The following PCDHGA1 variants were observed in gnomAD, a reference collection of about 807,000 sequenced individuals.
PCDHGA1 encodes the protein protocadherin gamma subfamily A, 1.
In PCDHGA1, 32 loss-of-function variants were observed where a neutral mutation model predicts 58.0. The ratio of observed to expected loss-of-function variants is 0.55; its 90% CI spans 0.42 to 0.74. PCDHGA1 has a LOEUF of 0.74. Ranked by LOEUF, PCDHGA1 falls within the 30% of genes least tolerant of loss-of-function variation. PCDHGA1 has a pLI of 0.00. For missense variants in PCDHGA1, 1,205 were observed against 1,182.3 expected (o/e 1.02, Z -0.28); for synonymous variants, 498 against 501.1 (o/e 0.99, Z 0.08).
intron 1 of PCDHGA1, among the ~76,000 whole-genome samples, chr5:141,401,057 A>G (rs1021828194): frequency 1.3e-5 from 2 of 152,170 alleles, no homozygotes; most frequent in Non-Finnish European, 2.9e-5. Flanking sequence ...AAAATACTAT[A>G]TGTTGGCTGG....
At chr5:141,454,567 C>T (rs572130062) in intron 1 of PCDHGA1, among the ~76,000 whole-genome samples, 10 of 150,966 alleles carry the variant, frequency 6.6e-5, no homozygotes, top group South Asian at 2.1e-4. Context: ...CCACCACGCC[C>T]GGCTAATTTT....
rs775963212 is a variant in PCDHGA1, at chr5:141,485,463, G to T, written c.2422-9344G>T. ...CCAATCGACCGAGAGGCACTGTGTG[G>T]GCTCAGTGCCAGCTGCATCGTGCCC... On this transcript the variant is annotated intron_variant, in intron 1 of 3. Coordinates refer to ENST00000517417, the MANE Select transcript of PCDHGA1 (RefSeq NM_018912.3). The surrounding 1 kb of genome is among the most constrained non-coding windows in gnomAD (Gnocchi z 5.7). The T allele has an allele frequency of 1.2e-6, 2 of 1,614,086 alleles. No individual in the cohort carries two copies. The highest frequency in any genetic ancestry group is 3.3e-5 in the Admixed American group (2 of 60,026).
At chr5:141,442,358 A>C (rs2098318223) in intron 1 of PCDHGA1, 1 of 152,304 alleles carries the variant, frequency 6.6e-6, no homozygotes, top group African/African-American at 2.4e-5. Context: ...CTGTAGCTCT[A>C]TGATGCCATA....
chr5:141,337,552 T>C (rs1756690206), intron 1 of PCDHGA1, among the ~76,000 whole-genome samples: 1 of 152,242 alleles, frequency 6.6e-6, no homozygotes, highest in Non-Finnish European at 1.5e-5. Flanking sequence ...ATTCCTCATA[T>C]ATGAAGTTCC....
At chr5:141,467,628 C>G (rs181245841) in intron 1 of PCDHGA1, among the ~76,000 whole-genome samples, 49 of 152,224 alleles carry the variant, frequency 3.2e-4, no homozygotes, top group African/African-American at 1.1e-3. Context: ...TTTGAGATAG[C>G]ATCTTTATCA....
rs1562137828 is a variant in PCDHGA1 at position 141,490,359 on chromosome 5, T to C, written c.2422-4448T>C. On this transcript the variant is annotated intron_variant, in intron 1 of 3. Transcript: ENST00000517417. This position sits in a 1 kb window ranked among gnomAD's most constrained non-coding sequence, Gnocchi z 5.4. ...TGGGCACAGTAGTGGGGTTGTTTAA[T>C]GTGCGAGACCGGGACTCAGGTAGAA... The C allele has an allele frequency of 1.9e-6, 3 of 1,614,212 alleles. No individual in the cohort carries two copies. The highest frequency in any genetic ancestry group is 2.5e-6 in the Non-Finnish European group (3 of 1,180,036).
rs149653507 is a variant in PCDHGA1 at position 141,469,869 on chromosome 5, G to A, written c.2422-24938G>A. Among the ~76,000 whole-genome samples, 591 of 152,290 alleles carry A rather than the reference G, an allele frequency of 3.9e-3. 6 individuals are homozygous for A. Among genetic ancestry groups the A allele is most frequent in the Admixed American group, 0.011 (171 of 15,304 alleles). On this transcript the variant is annotated intron_variant, in intron 1 of 3. Transcript: ENST00000517417. ...ATTCAGACCGGGTGCAATGGCTCACGCCTGTAATCTCGGCACTTTGGGAAG... is the reference window on the plus strand; with the variant it reads ...ATTCAGACCGGGTGCAATGGCTCACACCTGTAATCTCGGCACTTTGGGAAG...
chr5:141,384,221 A>G, intron 1 of PCDHGA1: 1 of 1,613,936 alleles, frequency 6.2e-7, no homozygotes, highest in Non-Finnish European at 8.5e-7. Flanking sequence ...ATATTCATGC[A>G]GGTGGCAGAC....
rs748462670 is a variant in PCDHGA1, at chr5:141,478,010, C to T, written c.2422-16797C>T. Reference sequence around the variant, plus strand: ...GCACACTGGTCAAATCAGTACTGCCCGTCCAGTCCAAGACACAGATTCACC... The same window carrying T: ...GCACACTGGTCAAATCAGTACTGCCTGTCCAGTCCAAGACACAGATTCACC... On this transcript the variant is annotated intron_variant, in intron 1 of 3. Coordinates refer to ENST00000517417, the MANE Select transcript of PCDHGA1 (RefSeq NM_018912.3). 9 of 1,614,008 alleles carry T rather than the reference C, an allele frequency of 5.6e-6. No homozygotes were observed. The highest frequency in any genetic ancestry group is 1.7e-5 in the Admixed American group (1 of 59,998).
rs375573264 is a variant in PCDHGA1, at chr5:141,350,231, A to G, written c.2421+17126A>G. On this transcript the variant is annotated intron_variant, in intron 1 of 3. Coordinates refer to ENST00000517417, the MANE Select transcript of PCDHGA1 (RefSeq NM_018912.3). ...CATTTCTTTTTGAAAAACATCCCAG[A>G]GGAAAGAAGCTCCGCGGAGAGTTCC... 2,492 of 1,501,598 alleles carry G rather than the reference A, an allele frequency of 1.7e-3. 7 individuals are homozygous for G. Among genetic ancestry groups the G allele is most frequent in the Non-Finnish European group, 2.0e-3 (2,284 of 1,127,078 alleles). 93.0% of individuals were successfully genotyped at this position (1,501,598 alleles called of 1,614,324 possible).
In PCDHGA1 at chr5:141,405,262, C is replaced by A. The variant is rs1352663124; in HGVS notation, c.2421+72157C>A. ...ACTCAAGGAAGAGTCACCTGATCTT[C>A]CCCCAGCCCAACTATGCAGACACAC... On this transcript the variant is annotated intron_variant, in intron 1 of 3. Coordinates refer to ENST00000517417, the MANE Select transcript of PCDHGA1 (RefSeq NM_018912.3). The A allele has an allele frequency of 2.5e-6, 4 of 1,614,012 alleles. No individual in the cohort carries two copies. In the African/African-American group the frequency reaches 5.3e-5, roughly 22 times the overall value.
At chr5:141,342,914 C>T (rs1057012893) in intron 1 of PCDHGA1, 1 of 152,122 alleles carries the variant, frequency 6.6e-6, no homozygotes, top group Non-Finnish European at 1.5e-5. Flanking sequence ...TCTTTCAGTA[C>T]CCTGAAGGTC....
chr5:141,343,842 T>C, intron 1 of PCDHGA1: 1 of 514,310 alleles, frequency 1.9e-6, no homozygotes, highest in South Asian at 3.9e-5. Context: ...ATTTCCTTGC[T>C]CCTAAAATGC....
At chr5:141,433,377 A>ATCTG (rs1300427377) in intron 1 of PCDHGA1, among the ~76,000 whole-genome samples, 1 of 150,958 alleles carries the variant, frequency 6.6e-6, no homozygotes, top group Non-Finnish European at 1.5e-5. Context: ...CTATCTATCT[A>ATCTG]TCTATCTATC....
intron 1 of PCDHGA1, among the ~76,000 whole-genome samples, chr5:141,482,530 CAAAA>C (rs3074545): frequency 9.1e-5 from 7 of 76,540 alleles, no homozygotes; most frequent in South Asian, 4.6e-4. Flanking sequence ...GACAGACATG[CAAAA>C]AAAAAAAAAA....
rs769066075 is a variant in PCDHGA1 at position 141,331,419 on chromosome 5, A to T, written c.735A>T (p.Ala245=). ...ACAATCCTCCAGCATTTACTCAGGC[A>T]CAATACCATATAAATGTCCCCGAAA... ...ANDNPPAFTQ[A]QYHINVPENV... The change falls in exon 1 of 4, where the codon GCA becomes GCT. Residue 245 remains alanine (A), a synonymous_variant. Transcript: ENST00000517417. 4.3e-4 allele frequency: 700 copies of T among 1,614,060 alleles called. 1 individual carries two copies. Among genetic ancestry groups the T allele is most frequent in the Non-Finnish European group, 5.2e-4 (613 of 1,180,036 alleles).
intron 1 of PCDHGA1, among the ~76,000 whole-genome samples, chr5:141,481,103 C>G (rs190529217): frequency 2.6e-4 from 39 of 152,252 alleles, no homozygotes; most frequent in Non-Finnish European, 3.4e-4. Context: ...TACTCTGGAA[C>G]CTACCAATCC....
At chr5:141,398,864 T>A (rs1399067876) in intron 1 of PCDHGA1, 1 of 1,613,768 alleles carries the variant, frequency 6.2e-7, no homozygotes, top group Non-Finnish European at 8.5e-7. Context: ...AACCGAGACG[T>A]GTACAGAGTC....
chr5:141,393,972 C>T, intron 1 of PCDHGA1: 1 of 1,613,790 alleles, frequency 6.2e-7, no homozygotes, highest in Non-Finnish European at 8.5e-7. Flanking sequence ...CTGTTACACA[C>T]GTGATAATTT....
Sources: allele counts gnomAD v4.1 joint callset (sites outside exome capture counted in the v4.1 genomes callset), GRCh38; gene constraint gnomAD v4.1.1; non-coding constraint Gnocchi (gnomAD v3.1); transcripts MANE v1.5; gene names NCBI Gene and HGNC (gene_info 2026-07-23, HGNC 2026-07-21).